Variants in SPAG17 observed in about 807,000 individuals in gnomAD.
SPAG17 encodes sperm associated antigen 17.
Under a neutral mutation model 273.6 loss-of-function variants are expected in SPAG17, and 169 were observed. That is an observed-to-expected ratio of 0.62 (90% confidence interval 0.55 to 0.70). The LOEUF is 0.70. SPAG17 is among the 30% of genes least tolerant of loss of function. The pLI is 0.00. For missense variants in SPAG17, 2,557 were observed against 2,627.8 expected (o/e 0.97, Z 0.59); for synonymous variants, 825 against 873.2 (o/e 0.94, Z 0.97).
At chr1:117,997,228 C>A (rs776281206) in intron 32 of SPAG17, among the ~76,000 whole-genome samples, 6 of 151,984 alleles carry the variant, frequency 3.9e-5, no homozygotes, top group Non-Finnish European at 8.8e-5. Context: ...TCCTTTATTA[C>A]TGTCTAAATA....
intron 3 of SPAG17, among the ~76,000 whole-genome samples, chr1:118,147,738 C>T (rs532044945): frequency 6.6e-6 from 1 of 152,176 alleles, no homozygotes; most frequent in Admixed American, 6.5e-5. Flanking sequence ...TACACAACAC[C>T]ATGCCATCCA....
At chr1:117,993,157 C>T (rs1657296202) in intron 35 of SPAG17, among the ~76,000 whole-genome samples, 1 of 152,146 alleles carries the variant, frequency 6.6e-6, no homozygotes, top group South Asian at 2.1e-4. Context: ...AAAAATCTAC[C>T]TTAGAGTAAA....
At chr1:118,011,769 C>T (rs1659493298) in intron 30 of SPAG17, among the ~76,000 whole-genome samples, 1 of 152,002 alleles carries the variant, frequency 6.6e-6, no homozygotes, top group Non-Finnish European at 1.5e-5. Flanking sequence ...GACACACACA[C>T]ACACACAGTG....
chr1:118,157,035 G>T (rs1467287583), intron 1 of SPAG17, among the ~76,000 whole-genome samples: 1 of 152,074 alleles, frequency 6.6e-6, no homozygotes, highest in Non-Finnish European at 1.5e-5. Context: ...GATTGCTCAT[G>T]GCTCTTCCCA....
intron 43 of SPAG17, among the ~76,000 whole-genome samples, chr1:117,980,735 C>T (rs1243748416): frequency 5.3e-5 from 8 of 152,146 alleles, no homozygotes; most frequent in South Asian, 2.1e-4. Flanking sequence ...ATTATCTTAG[C>T]GAAATTAGCA....
intron 21 of SPAG17, 52 bp downstream of exon 21, chr1:118,041,751 A>C (rs769822622): frequency 1.3e-6 from 2 of 1,566,348 alleles, no homozygotes; most frequent in Admixed American, 2.1e-5. Flanking sequence ...TATTTTCCCA[A>C]AACAATTAGG....
rs911765949 is a variant in SPAG17 at position 118,106,842 on chromosome 1, T to A, written c.448-4916A>T. 3.3e-5 allele frequency among the ~76,000 whole-genome samples: 5 copies of A among 152,224 alleles called. 1 individual carries two copies. In the South Asian group the frequency reaches 1.0e-3, roughly 32 times the overall value. On this transcript the variant is annotated intron_variant, in intron 4 of 48. Coordinates refer to ENST00000336338, the MANE Select transcript of SPAG17 (RefSeq NM_206996.4). ...AGAGGCCCTCTGGCCCTCCAGGTTC[T>A]CCTAGGTAGGGTGTGAGAGCCTGTG...
intron 17 of SPAG17, among the ~76,000 whole-genome samples, chr1:118,070,369 A>G (rs1653455896): frequency 1.3e-5 from 2 of 152,214 alleles, no homozygotes; most frequent in Non-Finnish European, 2.9e-5. Context: ...TGAAAATAGG[A>G]AGATTAGTTT....
At chr1:118,180,475 G>A (rs748553099) in intron 1 of SPAG17, among the ~76,000 whole-genome samples, 1 of 151,994 alleles carries the variant, frequency 6.6e-6, no homozygotes, top group Non-Finnish European at 1.5e-5. Context: ...TTTGCTTAAT[G>A]GGTACAAATA....
In SPAG17 at chr1:118,049,061, A is replaced by G. The variant is rs190688154; in HGVS notation, c.2814+4941T>C. On this transcript the variant is annotated intron_variant, in intron 20 of 48. Transcript: ENST00000336338. Reference sequence around the variant, plus strand: ...TACAAAACTGAACATACAAATAACAACTGAGAGACTGAATCAGTTATAAAA... The same window carrying G: ...TACAAAACTGAACATACAAATAACAGCTGAGAGACTGAATCAGTTATAAAA... Among the ~76,000 whole-genome samples, 8 of 152,260 alleles carry G rather than the reference A, an allele frequency of 5.3e-5. No homozygotes were observed. In the East Asian group the frequency reaches 1.2e-3, roughly 22 times the overall value.
intron 1 of SPAG17, among the ~76,000 whole-genome samples, chr1:118,159,152 A>T (rs1322610213): frequency 6.6e-6 from 1 of 152,238 alleles, no homozygotes; most frequent in Non-Finnish European, 1.5e-5. Flanking sequence ...CAGAATTTGA[A>T]TTAGAGAAAG....
At chr1:118,039,118 T>C (rs960814248) in intron 23 of SPAG17, among the ~76,000 whole-genome samples, 174 bp downstream of exon 23, 5 of 152,106 alleles carry the variant, frequency 3.3e-5, no homozygotes, top group African/African-American at 1.2e-4. Flanking sequence ...TAACGCTTAA[T>C]ATCCATTAGG....
In SPAG17 at chr1:118,008,135, G is replaced by A; in HGVS notation, c.4496C>T (p.Ala1499Val). 6.2e-7 allele frequency: 1 copy of A among 1,614,050 alleles called. No individual in the cohort carries two copies. The highest frequency in any genetic ancestry group is 8.5e-7 in the Non-Finnish European group (1 of 1,179,978). Residue 1499 changes from alanine to valine, a missense_variant, in exon 31 of 49, where the codon GCC (alanine) becomes GTC (valine). Physicochemically the swap from Ala to Val is moderately conservative, Grantham distance 64. Coordinates refer to ENST00000336338, the MANE Select transcript of SPAG17 (RefSeq NM_206996.4). ...GTCCTCACAGTTGGCGATAACAGTG[G>A]CATAGCGTGAGCTTTCTACCCGCAT... ...KCMRVESSRYATVIANCEDSS... is the reference protein window; with the variant it reads ...KCMRVESSRYVTVIANCEDSS...
At chr1:117,996,272 G>T in intron 34 of SPAG17, 98 bp downstream of exon 34, 1 of 1,399,418 alleles carries the variant, frequency 7.1e-7, no homozygotes, top group East Asian at 2.3e-5. Context: ...AGTGAGCAAA[G>T]CGGAAAAAGT....
In SPAG17 at chr1:118,115,389, G is replaced by C; in HGVS notation, c.368C>G (p.Pro123Arg). ...AAATTTCAAGAGTTTCCCTATCAGT[G>C]GTAAGGTTAATTTCTCTCCACTATC... ...IMDSGEKLTL[P>R]LIGKLLKFQL... Residue 123 changes from proline (P) to arginine (R), a missense_variant, in exon 4 of 49, where the codon CCA becomes CGA. Coordinates refer to ENST00000336338, the MANE Select transcript of SPAG17 (RefSeq NM_206996.4). 6.2e-7 allele frequency: 1 copy of C among 1,613,458 alleles called. No homozygotes were observed. The highest frequency in any genetic ancestry group is 1.1e-5 in the South Asian group (1 of 91,052).
chr1:117,970,428 G>A (rs930460920), intron 45 of SPAG17, among the ~76,000 whole-genome samples: 5 of 152,310 alleles, frequency 3.3e-5, no homozygotes, highest in South Asian at 2.1e-4. Context: ...GCATTTCAGC[G>A]TAGCTGCCAG....
At chr1:118,021,928 C>T (rs1255855608) in intron 28 of SPAG17, among the ~76,000 whole-genome samples, 1 of 152,152 alleles carries the variant, frequency 6.6e-6, no homozygotes, top group Non-Finnish European at 1.5e-5. Flanking sequence ...CAGAAACCTT[C>T]TGCTACTACT....
intron 20 of SPAG17, among the ~76,000 whole-genome samples, chr1:118,047,632 C>A (rs2101960902): frequency 6.6e-6 from 1 of 152,310 alleles, no homozygotes; most frequent in African/African-American, 2.4e-5. Context: ...GATCCGGCTT[C>A]CAGGCCCTCC....
chr1:118,141,920 A>G (rs912464186), intron 3 of SPAG17, among the ~76,000 whole-genome samples: 5 of 152,196 alleles, frequency 3.3e-5, no homozygotes, highest in Non-Finnish European at 7.3e-5. Flanking sequence ...GTATAATGGG[A>G]CACTGCAAAT....
Sources: gnomAD v4.1 joint callset for allele counts (sites outside exome capture counted in the v4.1 genomes callset) on GRCh38, gnomAD v4.1.1 for gene constraint, MANE v1.5 for transcripts, NCBI Gene and HGNC (gene_info 2026-07-23, HGNC 2026-07-21) for gene names.